Variants in PALM observed in about 807,000 individuals in gnomAD.
PALM encodes paralemmin, also known as paralemmin-1.
In PALM, 18 loss-of-function variants were observed where a neutral mutation model predicts 30.7. That is an observed-to-expected ratio of 0.59 (90% CI 0.41 to 0.87). The LOEUF is 0.87. Ranked by LOEUF, PALM falls within the 40% of genes least tolerant of loss-of-function variation. The pLI is 0.00. For missense variants in PALM, 529 were observed against 555.4 expected (o/e 0.95, Z 0.48); for synonymous variants, 286 against 242.8 (o/e 1.18, Z -1.66).
At chr19:712,325 C>CACTT (rs1226938112) in intron 1 of PALM, among the ~76,000 whole-genome samples, 3 of 150,166 alleles carry the variant, frequency 2.0e-5, no homozygotes, top group Non-Finnish European at 4.5e-5. Flanking sequence ...GCCTGGCTGA[C>CACTT]ACTTGCCTTT....
At chr19:719,253 G>A in intron 1 of PALM, 11 of 985,460 alleles carry the variant, frequency 1.1e-5, no homozygotes, top group Non-Finnish European at 1.3e-5. Context: ...GGTGACCTTG[G>A]CCGTTGCGTA....
chr19:736,116 C>G, intron 7 of PALM, 38 bp downstream of exon 7: 2 of 1,418,590 alleles, frequency 1.4e-6, no homozygotes, highest in Non-Finnish European at 2.0e-6. Context: ...CAGATCCAGC[C>G]GCTGTCAGGG....
intron 2 of PALM, among the ~76,000 whole-genome samples, chr19:726,606 G>A (rs2032669516): frequency 6.6e-6 from 1 of 152,124 alleles, no homozygotes; most frequent in Non-Finnish European, 1.5e-5. Flanking sequence ...GGGTTCAAGT[G>A]ACTCTCCTGC....
At chr19:720,668 G>T (rs2032447094) in intron 1 of PALM, among the ~76,000 whole-genome samples, 2 of 151,844 alleles carry the variant, frequency 1.3e-5, no homozygotes, top group African/African-American at 2.4e-5. Flanking sequence ...TCCTGGGGAG[G>T]GGCCTGCGCC....
intron 1 of PALM, 61 bp from the exon 2 acceptor site, chr19:726,077 C>T: frequency 7.5e-7 from 1 of 1,325,832 alleles, no homozygotes; most frequent in Non-Finnish European, 1.1e-6. Context: ...GGGATTTGAA[C>T]CGCGTCTGAC....
chr19:738,343 G>A (rs568373427), intron 7 of PALM, among the ~76,000 whole-genome samples: 5 of 152,178 alleles, frequency 3.3e-5, no homozygotes, highest in South Asian at 2.1e-4. Context: ...TGGCTAACAC[G>A]GTGAAACCCT....
At chr19:715,904 C>T (rs954730239) in intron 1 of PALM, among the ~76,000 whole-genome samples, 1 of 152,112 alleles carries the variant, frequency 6.6e-6, no homozygotes, top group East Asian at 1.9e-4. Context: ...GAGAAGTAGC[C>T]TGGTCCCTGG....
intron 8 of PALM, 69 bp downstream of exon 8, chr19:740,552 T>A: frequency 7.0e-7 from 1 of 1,438,480 alleles, no homozygotes; most frequent in Non-Finnish European, 9.4e-7. Context: ...GCTCCCAGCG[T>A]GTGGGTCTGG....
At chr19:731,986 T>C (rs2032892515) in intron 5 of PALM, among the ~76,000 whole-genome samples, 1 of 152,032 alleles carries the variant, frequency 6.6e-6, no homozygotes, top group African/African-American at 2.4e-5. Flanking sequence ...TCTGTGTTTG[T>C]TTTTGACACA....
rs1217743325 is a variant in PALM at position 739,074 on chromosome 19, C to T, written c.503-1278C>T. ...CATCTTCAAGCAGGCCTGGGGGTGG[C>T]GGGCAGCCACCAGTCGCTGTTAGGA... On this transcript the variant is annotated intron_variant, in intron 7 of 8. Coordinates refer to ENST00000338448, the MANE Select transcript of PALM (RefSeq NM_002579.3). Among the ~76,000 whole-genome samples the T allele has an allele frequency of 4.6e-5, 7 of 152,116 alleles. No individual in the cohort carries two copies. In the South Asian group the frequency reaches 6.2e-4, roughly 14 times the overall value.
intron 1 of PALM, chr19:722,404 AT>A (rs1568222687): frequency 1.3e-5 from 2 of 151,928 alleles, no homozygotes; most frequent in Non-Finnish European, 2.9e-5. Flanking sequence ...TTAGTTAGTT[AT>A]TTTTGTAGAG....
chr19:738,235 T>C (rs575619374), intron 7 of PALM, among the ~76,000 whole-genome samples: 1 of 151,474 alleles, frequency 6.6e-6, no homozygotes, highest in South Asian at 2.1e-4. Context: ...TACTAAAAAA[T>C]AGAAAAATTA....
intron 1 of PALM, among the ~76,000 whole-genome samples, chr19:720,712 C>A (rs899800153): frequency 4.6e-5 from 7 of 152,004 alleles, no homozygotes; most frequent in African/African-American, 1.5e-4. Context: ...CCTGCCCGCC[C>A]GCCTGACATT....
At chr19:720,674 G>T (rs979008692) in intron 1 of PALM, among the ~76,000 whole-genome samples, 4 of 151,894 alleles carry the variant, frequency 2.6e-5, no homozygotes, top group African/African-American at 9.7e-5. Flanking sequence ...GGAGGGGCCT[G>T]CGCCCTGGGG....
chr19:709,900 G>A lies in PALM; in HGVS notation c.5+749G>A, dbSNP rs1313497717. On this transcript the variant is annotated intron_variant, in intron 1 of 8. Coordinates refer to ENST00000338448, the MANE Select transcript of PALM (RefSeq NM_002579.3). The surrounding 1 kb of genome is among the most constrained non-coding windows in gnomAD (Gnocchi z 4.3). Reference sequence around the variant, plus strand: ...GATCCCTGGACCCCCGCATGGCTGCGCCTGTGTGTGTGGGGGGGGGGTGGC... The same window carrying A: ...GATCCCTGGACCCCCGCATGGCTGCACCTGTGTGTGTGGGGGGGGGGTGGC... Among the ~76,000 whole-genome samples, 1 of 131,458 alleles carries A rather than the reference G, an allele frequency of 7.6e-6. No individual in the cohort carries two copies. Among genetic ancestry groups the A allele is most frequent in the East Asian group, 2.0e-4 (1 of 4,948 alleles). 86.2% of individuals were successfully genotyped at this position (131,458 alleles called of 152,430 possible). A position where few individuals can be genotyped will look rare whatever the true frequency, so the allele number is the denominator to read the frequency against.
intron 1 of PALM, among the ~76,000 whole-genome samples, chr19:725,729 G>A (rs1444983564): frequency 6.6e-6 from 1 of 152,052 alleles, no homozygotes; most frequent in Non-Finnish European, 1.5e-5. Flanking sequence ...TGCCCCTCCT[G>A]GGGCTGCAGA....
At chr19:727,809 C>T (rs2032737940) in intron 4 of PALM, 115 bp downstream of exon 4, 1 of 990,638 alleles carries the variant, frequency 1.0e-6, no homozygotes, top group Non-Finnish European at 1.5e-6. Context: ...GATGCGTGGA[C>T]CGGGCAGGCC....
At chr19:744,196 C>A (rs1199609020) in intron 8 of PALM, among the ~76,000 whole-genome samples, 1 of 151,582 alleles carries the variant, frequency 6.6e-6, no homozygotes, top group African/African-American at 2.4e-5. Context: ...GTCAGGAGAT[C>A]GAGACCAGCC....
chr19:727,002 C>CCCCCCCCCG lies in PALM; in HGVS notation c.58-5_58-4insCCCCCCCGC. ...CATCCCTGACCCCACCCGGCCCTCC[C>CCCCCCCCCG]CACAGGAGAAGCGGAAGCGGCAGGC... On this transcript the variant is annotated splice_polypyrimidine_tract_variant and splice_region_variant and intron_variant, in intron 2 of 8. Transcript: ENST00000338448. 6.6e-7 allele frequency: 1 copy of CCCCCCCCCG among 1,519,328 alleles called. No individual in the cohort carries two copies. The highest frequency in any genetic ancestry group is 8.9e-7 in the Non-Finnish European group (1 of 1,120,586). 94.1% of individuals were successfully genotyped at this position (1,519,328 alleles called of 1,614,324 possible).
Sources: gnomAD v4.1 joint callset for allele counts (sites outside exome capture counted in the v4.1 genomes callset) on GRCh38, gnomAD v4.1.1 for gene constraint, Gnocchi (gnomAD v3.1) non-coding constraint, MANE v1.5 for transcripts, NCBI Gene and HGNC (gene_info 2026-07-23, HGNC 2026-07-21) for gene names.